Variants in HDHD5 observed in about 807,000 individuals in gnomAD.
HDHD5 encodes haloacid dehalogenase like hydrolase domain containing 5.
In HDHD5, 34 loss-of-function variants were observed where a neutral mutation model predicts 35.5. That is an observed-to-expected ratio of 0.96 (90% CI 0.73 to 1.28). The LOEUF is 1.28. Among genes scored for constraint, HDHD5 ranks in the 50% most tolerant of loss-of-function variants. HDHD5 has a pLI of 0.00. For synonymous variants in HDHD5, 248 were observed against 240.6 expected, an observed-to-expected ratio of 1.03 and a Z score of -0.29; for missense variants, 589 against 560.2, an observed-to-expected ratio of 1.05 and a Z score of -0.52.
chr22:17,149,516 T>C (rs1181345190), intron 2 of HDHD5, 26 bp downstream of exon 2: 1 of 1,607,364 alleles, frequency 6.2e-7, no homozygotes, highest in Non-Finnish European at 8.5e-7. Context: ...GTCCTTGGGC[T>C]TCCATGCCTC....
In HDHD5 at chr22:17,146,489, G is replaced by A. The variant is rs374883368; in HGVS notation, c.444-1372C>T. ...ATCGCACACGCTCCACACCTGTGGC[G>A]CCCTCCTGTGAGCTTACCGGCCTTC... On this transcript the variant is annotated intron_variant, in intron 3 of 7. Transcript: ENST00000336737. 2.3e-4 allele frequency among the ~76,000 whole-genome samples: 32 copies of A among 140,460 alleles called. No homozygotes were observed. The East Asian group carries it at 4.6e-3, about 20-fold the overall frequency. The allele number at this position is 140,460 out of a possible 152,430, so 92.1% of individuals were successfully genotyped here. A position where few individuals can be genotyped will look rare whatever the true frequency, so the allele number is the denominator to read the frequency against.
At chr22:17,141,693 C>T in intron 5 of HDHD5, 2 of 865,992 alleles carry the variant, frequency 2.3e-6, no homozygotes, top group Non-Finnish European at 2.8e-6. Flanking sequence ...TCCACCGATT[C>T]TCCTGTATGA....
intron 1 of HDHD5, among the ~76,000 whole-genome samples, chr22:17,157,115 A>ACACAC (rs1244963563): frequency 3.3e-4 from 27 of 81,006 alleles, no homozygotes; most frequent in Non-Finnish European, 6.4e-4. Context: ...CACACACACA[A>ACACAC]AAGAAAAAAG....
At chr22:17,162,396 G>T (rs1347774035), upstream of HDHD5, among the ~76,000 whole-genome samples, 1 of 152,244 alleles carries the variant, frequency 6.6e-6, no homozygotes, top group Non-Finnish European at 1.5e-5. Flanking sequence ...GTCATACTTA[G>T]TGTTATTAAT....
upstream of HDHD5, among the ~76,000 whole-genome samples, chr22:17,163,651 A>G (rs573285996): frequency 3.3e-5 from 5 of 152,060 alleles, no homozygotes; most frequent in South Asian, 6.2e-4. Flanking sequence ...AGTGAGCCAC[A>G]TTTTTCTCCC....
chr22:17,148,627 G>C, intron 2 of HDHD5, 67 bp from the exon 3 acceptor site: 1 of 1,228,802 alleles, frequency 8.1e-7, no homozygotes, highest in Non-Finnish European at 1.2e-6. Flanking sequence ...TAATGAGACA[G>C]GTGGCAGGTC....
intron 6 of HDHD5, among the ~76,000 whole-genome samples, chr22:17,139,587 A>T (rs1306628962): frequency 6.6e-6 from 1 of 150,392 alleles, no homozygotes; most frequent in Non-Finnish European, 1.5e-5. Flanking sequence ...GCCCTCCCCA[A>T]CTCCTTCTTG....
At chr22:17,163,509 A>G (rs2123887798), upstream of HDHD5, among the ~76,000 whole-genome samples, 1 of 152,170 alleles carries the variant, frequency 6.6e-6, no homozygotes, top group East Asian at 1.9e-4. Flanking sequence ...TGTTCTGGAG[A>G]CCATACACTT....
chr22:17,159,285 GGC>G, upstream of HDHD5: 31 of 1,146,940 alleles, frequency 2.7e-5, no homozygotes, highest in Non-Finnish European at 3.3e-5. Context: ...CACGGCGTGC[GGC>G]CCCCCCCCCC....
intron 6 of HDHD5, 116 bp downstream of exon 6, chr22:17,140,943 C>G (rs2061592716): frequency 1.1e-6 from 1 of 920,604 alleles, no homozygotes; most frequent in East Asian, 3.0e-5. Context: ...CAGGGCCTAC[C>G]TAAGTGAGGT....
rs1370336815 is a variant in HDHD5 at position 17,149,765 on chromosome 22, A to C, written c.127-20T>G. The C allele has an allele frequency of 6.2e-7, 1 of 1,601,640 alleles. No individual in the cohort carries two copies. The highest frequency in any genetic ancestry group is 1.3e-5 in the African/African-American group (1 of 74,678). On this transcript the variant is annotated intron_variant, in intron 1 of 7. Transcript: ENST00000336737. ...TGGGCTCTGCAGAGATGGTAAGATA[A>C]TTACCAGTACGTGAGTAACAAAGAA... is the stretch of plus-strand genomic sequence containing the variant.
Position 17,149,690 on chromosome 22 carries a change from T to A in HDHD5, c.182A>T (p.His61Leu). 1 of 1,614,038 alleles carries A rather than the reference T, an allele frequency of 6.2e-7. No homozygotes were observed. The highest frequency in any genetic ancestry group is 8.5e-7 in the Non-Finnish European group (1 of 1,180,034). The change falls in exon 2 of 8, where the codon CAC becomes CTC. Residue 61 changes from histidine to leucine, a missense_variant. By Grantham distance (99) the His-to-Leu change is moderately conservative (BLOSUM62 -3). Transcript: ENST00000336737. ...LDIDGVLVRG[H>L]RVIPAALKAF... ...TTTCAGAGCAGCAGGGATCACTCTG[T>A]GGCCCCGCACAAGCACTCCATCGAT...
rs563646181 is a variant in HDHD5 at position 17,144,539 on chromosome 22, G to A, written c.537+485C>T. ...AGTTATTCTCCTGCCTCTGCCTCCCGAGTAGCTGGGATTATAGGCATCCAT... is the reference window on the plus strand; with the variant it reads ...AGTTATTCTCCTGCCTCTGCCTCCCAAGTAGCTGGGATTATAGGCATCCAT... On this transcript the variant is annotated intron_variant, in intron 4 of 7. Transcript: ENST00000336737. Among the ~76,000 whole-genome samples the A allele has an allele frequency of 4.0e-3, 609 of 150,810 alleles. 5 individuals carry two copies. The highest frequency in any genetic ancestry group is 0.014 in the African/African-American group (581 of 41,088).
chr22:17,155,176 T>C (rs2061773944), intron 1 of HDHD5, among the ~76,000 whole-genome samples: 1 of 152,206 alleles, frequency 6.6e-6, no homozygotes, highest in Non-Finnish European at 1.5e-5. Context: ...GGTTGCAAAA[T>C]TTACCATACA....
chr22:17,151,425 C>T lies in HDHD5; in HGVS notation c.127-1680G>A, dbSNP rs551861932. Reference sequence around the variant, plus strand: ...GCACAGAGCTCCCTTTATAGAGCAACCAGAAACAGAAATGGCGCTACAGGC... The same window carrying T: ...GCACAGAGCTCCCTTTATAGAGCAATCAGAAACAGAAATGGCGCTACAGGC... On this transcript the variant is annotated intron_variant, in intron 1 of 7. Transcript: ENST00000336737. 2.0e-5 allele frequency among the ~76,000 whole-genome samples: 3 copies of T among 152,170 alleles called. No homozygotes were observed. In the South Asian group the frequency reaches 6.2e-4, roughly 32 times the overall value.
chr22:17,148,040 A>G (rs1045690128), intron 3 of HDHD5, among the ~76,000 whole-genome samples: 13 of 152,214 alleles, frequency 8.5e-5, no homozygotes, highest in Non-Finnish European at 1.5e-4. Context: ...TAGCTGCTTC[A>G]CTACCACTGG....
At chr22:17,162,259 G>A (rs1249857386), upstream of HDHD5, among the ~76,000 whole-genome samples, 1 of 152,200 alleles carries the variant, frequency 6.6e-6, no homozygotes, top group African/African-American at 2.4e-5. Flanking sequence ...ACCCAGCTAA[G>A]TCACTCCTGA....
intron 6 of HDHD5, 53 bp from the exon 7 acceptor site, chr22:17,138,791 T>G: frequency 1.9e-6 from 3 of 1,599,148 alleles, no homozygotes; most frequent in Non-Finnish European, 2.6e-6. Context: ...CAGGCTCTTC[T>G]AGAGAACACG....
At chr22:17,156,293 C>A (rs143313047) in intron 1 of HDHD5, among the ~76,000 whole-genome samples, 1 of 152,164 alleles carries the variant, frequency 6.6e-6, no homozygotes, top group East Asian at 1.9e-4. Flanking sequence ...TTTGTGTCTT[C>A]ATTTTTAACA....
Sources: gnomAD v4.1 joint callset for allele counts (sites outside exome capture counted in the v4.1 genomes callset) on GRCh38, gnomAD v4.1.1 for gene constraint, MANE v1.5 for transcripts, NCBI Gene and HGNC (gene_info 2026-07-23, HGNC 2026-07-21) for gene names.